CFAP299: variants seen among roughly 807,000 people sequenced by gnomAD.
CFAP299 encodes the protein cilia- and flagella-associated protein 299.
Under a neutral mutation model 27.0 loss-of-function variants are expected in CFAP299, and 21 were observed. The observed-to-expected ratio is 0.78, with a 90% confidence interval of 0.55 to 1.12. CFAP299 has a LOEUF of 1.12. Ranked by LOEUF, CFAP299 falls within the 50% of genes most tolerant of loss-of-function variation. The pLI, the probability that CFAP299 is intolerant of heterozygous loss-of-function variation, is 0.00. For missense variants in CFAP299, 310 were observed against 276.6 expected, an observed-to-expected ratio of 1.12 and a Z score of -0.86; for synonymous variants, 104 against 98.1, an observed-to-expected ratio of 1.06 and a Z score of -0.36.
chr4:80,722,930 A>G (rs908508408), intron 3 of CFAP299, among the ~76,000 whole-genome samples: 1 of 152,088 alleles, frequency 6.6e-6, no homozygotes, highest in African/African-American at 2.4e-5. Context: ...CAATAATAAA[A>G]GTAGAACAGA....
At chr4:80,732,334 C>G (rs1723584697) in intron 3 of CFAP299, among the ~76,000 whole-genome samples, 1 of 152,098 alleles carries the variant, frequency 6.6e-6, no homozygotes, top group Non-Finnish European at 1.5e-5. Flanking sequence ...TAGCATGACT[C>G]TTCTTCCATT....
chr4:80,554,615 T>C (rs189477801), intron 2 of CFAP299, among the ~76,000 whole-genome samples: 81 of 151,858 alleles, frequency 5.3e-4, no homozygotes, highest in African/African-American at 1.9e-3. Context: ...ATGTTATTGA[T>C]TCTTTCTATC....
intron 2 of CFAP299, among the ~76,000 whole-genome samples, chr4:80,519,244 T>C (rs2110172655): frequency 6.6e-6 from 1 of 152,174 alleles, no homozygotes; most frequent in Non-Finnish European, 1.5e-5. Flanking sequence ...TCTCGCTCTG[T>C]CACCCAGGCT....
chr4:80,849,920 A>C (rs1444968551), intron 3 of CFAP299, among the ~76,000 whole-genome samples: 1 of 152,168 alleles, frequency 6.6e-6, no homozygotes, highest in African/African-American at 2.4e-5. Flanking sequence ...GGATATGCTA[A>C]TTACCCAGAT....
intron 2 of CFAP299, chr4:80,386,970 AC>A: frequency 1.0e-6 from 1 of 962,482 alleles, no homozygotes; most frequent in East Asian, 2.4e-5. Context: ...CTTCTTGCAC[AC>A]CTGGCCCTTG....
rs965476674 is a variant in CFAP299, at chr4:80,552,250, A to T, written c.243-30843A>T. Among the ~76,000 whole-genome samples, 6 of 152,328 alleles carry T rather than the reference A, an allele frequency of 3.9e-5. 1 individual carries two copies. The highest frequency in any genetic ancestry group is 6.5e-5 in the Admixed American group (1 of 15,290). Reference sequence around the variant, plus strand: ...TATATCACTGGTTTAAATGGGAAACATAGTACTAATCAACTGAAGTTACCA... The same window carrying T: ...TATATCACTGGTTTAAATGGGAAACTTAGTACTAATCAACTGAAGTTACCA... On this transcript the variant is annotated intron_variant, in intron 2 of 5. Coordinates refer to ENST00000358105, the MANE Select transcript of CFAP299 (RefSeq NM_152770.3).
intron 2 of CFAP299, among the ~76,000 whole-genome samples, chr4:80,423,813 A>C (rs1317858412): frequency 6.6e-6 from 1 of 152,154 alleles, no homozygotes; most frequent in African/African-American, 2.4e-5. Flanking sequence ...GGACAAAGGC[A>C]AGGCTCTGGG....
chr4:80,657,467 C>A lies in CFAP299; in HGVS notation c.333+74284C>A, dbSNP rs193198442. On this transcript the variant is annotated intron_variant, in intron 3 of 5. Transcript: ENST00000358105. Reference sequence around the variant, plus strand: ...ATATCGCTAGCCAGTTTTCTCAACACCATTTGTTAAATAGGGAATCCTTTC... The same window carrying A: ...ATATCGCTAGCCAGTTTTCTCAACAACATTTGTTAAATAGGGAATCCTTTC... 1.6e-4 allele frequency among the ~76,000 whole-genome samples: 24 copies of A among 152,262 alleles called. No individual in the cohort carries two copies. In the East Asian group the frequency reaches 4.4e-3, roughly 28 times the overall value.
At chr4:80,555,258 G>A (rs1734728898) in intron 2 of CFAP299, among the ~76,000 whole-genome samples, 1 of 152,114 alleles carries the variant, frequency 6.6e-6, no homozygotes, top group East Asian at 1.9e-4. Context: ...AAATAATCAT[G>A]TAGTTTTTGT....
chr4:80,863,350 T>A (rs1732500508), intron 3 of CFAP299, among the ~76,000 whole-genome samples: 1 of 152,178 alleles, frequency 6.6e-6, no homozygotes, highest in African/African-American at 2.4e-5. Flanking sequence ...ATTTGTATTT[T>A]AATCCACTTC....
At chr4:80,461,998 G>T (rs1333823628) in intron 2 of CFAP299, among the ~76,000 whole-genome samples, 1 of 152,010 alleles carries the variant, frequency 6.6e-6, no homozygotes, top group Non-Finnish European at 1.5e-5. Context: ...TGAGGCTTAT[G>T]ACTCCGCTTG....
intron 3 of CFAP299, among the ~76,000 whole-genome samples, chr4:80,674,800 C>T (rs1381992657): frequency 6.6e-6 from 1 of 151,966 alleles, no homozygotes; most frequent in African/African-American, 2.4e-5. Flanking sequence ...ACACATTATT[C>T]AACTTGATCG....
At chr4:80,684,994 G>A (rs1424328920) in intron 3 of CFAP299, among the ~76,000 whole-genome samples, 1 of 151,970 alleles carries the variant, frequency 6.6e-6, no homozygotes, top group Admixed American at 6.6e-5. Context: ...AATAATGTAT[G>A]TATTATTTTC....
chr4:80,744,639 C>T (rs903098214), intron 3 of CFAP299, among the ~76,000 whole-genome samples: 1 of 151,594 alleles, frequency 6.6e-6, no homozygotes, highest in African/African-American at 2.4e-5. Flanking sequence ...CAAGCTCTAC[C>T]CAGCGTACAA....
the CFAP299 span, among the ~76,000 whole-genome samples, chr4:80,322,318 G>GCAA: frequency 6.6e-6 from 1 of 152,154 alleles, no homozygotes; most frequent in Non-Finnish European, 1.5e-5. Flanking sequence ...AGCAACAACA[G>GCAA]CAACAACAAC....
At chr4:80,872,813 T>C in intron 4 of CFAP299, 25 of 814,870 alleles carry the variant, frequency 3.1e-5, no homozygotes, top group Non-Finnish European at 3.6e-5. Context: ...TGAGCTATTC[T>C]TTTTCTTGCA....
At chr4:80,655,373 A>T (rs528581253) in intron 3 of CFAP299, among the ~76,000 whole-genome samples, 70 of 152,306 alleles carry the variant, frequency 4.6e-4, no homozygotes, top group African/African-American at 1.7e-3. Flanking sequence ...CAATATGATG[A>T]AATACTGATT....
chr4:80,703,202 A>G (rs570598767), intron 3 of CFAP299, among the ~76,000 whole-genome samples: 34 of 151,884 alleles, frequency 2.2e-4, no homozygotes, highest in African/African-American at 6.5e-4. Flanking sequence ...TTGAACCTGG[A>G]TCTGCTGACC....
chr4:80,508,799 C>T (rs868659773), intron 2 of CFAP299, among the ~76,000 whole-genome samples: 14 of 152,286 alleles, frequency 9.2e-5, no homozygotes, highest in African/African-American at 3.4e-4. Context: ...CTCAAGCAAT[C>T]CTCCTGACTT....
Sources: gnomAD v4.1 joint callset for allele counts (sites outside exome capture counted in the v4.1 genomes callset) on GRCh38, gnomAD v4.1.1 for gene constraint, MANE v1.5 for transcripts, NCBI Gene and HGNC (gene_info 2026-07-23, HGNC 2026-07-21) for gene names.